The following SLC44A5 variants were observed in gnomAD, a reference collection of about 807,000 sequenced individuals.
SLC44A5 encodes the protein choline transporter-like protein 5.
SLC44A5 carries 57 observed loss-of-function variants against 101.8 expected under a neutral mutation model. The observed-to-expected ratio is 0.56, with a 90% CI of 0.45 to 0.70. SLC44A5 has a LOEUF of 0.70. SLC44A5 is among the 30% of genes least tolerant of loss of function. The pLI is 0.00. For missense variants in SLC44A5, 737 were observed against 853.1 expected (o/e 0.86, Z 1.70); for synonymous variants, 281 against 290.9 (o/e 0.97, Z 0.35).
chr1:75,535,254 C>T (rs1020946407), intron 2 of SLC44A5, among the ~76,000 whole-genome samples: 7 of 152,028 alleles, frequency 4.6e-5, no homozygotes, highest in African/African-American at 1.7e-4. Flanking sequence ...TTTGTCCTTT[C>T]GCCCTGAGAA....
intron 3 of SLC44A5, among the ~76,000 whole-genome samples, chr1:75,383,836 C>G (rs909584187): frequency 7.2e-4 from 109 of 152,190 alleles, no homozygotes; most frequent in Non-Finnish European, 3.5e-4. Context: ...AAGGGAAGCC[C>G]ATCAGACTAA....
intron 2 of SLC44A5, among the ~76,000 whole-genome samples, chr1:75,431,558 T>G (rs1488215725): frequency 6.6e-6 from 1 of 152,222 alleles, no homozygotes; most frequent in South Asian, 2.1e-4. Flanking sequence ...ATATGTGACC[T>G]TCTTTGCAGA....
chr1:75,601,981 A>G (rs985098511), intron 1 of SLC44A5, among the ~76,000 whole-genome samples: 4 of 152,162 alleles, frequency 2.6e-5, no homozygotes, highest in African/African-American at 7.2e-5. Flanking sequence ...AAAATTCTGA[A>G]TATTCAAAAG....
chr1:75,654,475 AT>A, the SLC44A5 span, among the ~76,000 whole-genome samples: 4 of 152,144 alleles, frequency 2.6e-5, no homozygotes, highest in Non-Finnish European at 4.4e-5. Flanking sequence ...ATGATACACA[AT>A]CTGGAGGCTG....
At chr1:75,595,534 C>T (rs1052789310) in intron 1 of SLC44A5, among the ~76,000 whole-genome samples, 1 of 151,958 alleles carries the variant, frequency 6.6e-6, no homozygotes, top group African/African-American at 2.4e-5. Flanking sequence ...ATTGATTATC[C>T]AGAAATAGAT....
rs189321565 is a variant in SLC44A5, at chr1:75,480,564, A to G, written c.13+60871T>C. 2.0e-5 allele frequency among the ~76,000 whole-genome samples: 3 copies of G among 152,314 alleles called. No homozygotes were observed. The East Asian group carries it at 5.8e-4, about 29-fold the overall frequency. ...AGCAACTTCAGCAAAATCTCAGGAT[A>G]CAAAATCAATGTGCAAAAATCACAA... On this transcript the variant is annotated intron_variant, in intron 2 of 23. Coordinates refer to ENST00000370859, the MANE Select transcript of SLC44A5 (RefSeq NM_001130058.2).
the SLC44A5 span, among the ~76,000 whole-genome samples, chr1:75,661,846 A>G: frequency 6.6e-6 from 1 of 152,246 alleles, no homozygotes; most frequent in East Asian, 1.9e-4. Flanking sequence ...ACAGAAAATA[A>G]CAGATGATGG....
At chr1:75,714,546 G>T in the SLC44A5 span, among the ~76,000 whole-genome samples, 1 of 152,204 alleles carries the variant, frequency 6.6e-6, no homozygotes, top group Non-Finnish European at 1.5e-5. Context: ...AGGAAGTCAA[G>T]ATGTTGGAAG....
chr1:75,639,811 T>C, the SLC44A5 span, among the ~76,000 whole-genome samples: 6 of 152,090 alleles, frequency 3.9e-5, no homozygotes, highest in Non-Finnish European at 8.8e-5. Flanking sequence ...CTGACTGTCA[T>C]AGAAATTCTG....
chr1:75,226,370 G>A (rs1004702285), intron 13 of SLC44A5, among the ~76,000 whole-genome samples: 3 of 152,054 alleles, frequency 2.0e-5, no homozygotes, highest in Non-Finnish European at 2.9e-5. Context: ...CGCTGTCTGA[G>A]CCCCTTTGCT....
chr1:75,317,391 A>G (rs1655777945), intron 4 of SLC44A5, among the ~76,000 whole-genome samples: 1 of 152,256 alleles, frequency 6.6e-6, no homozygotes, highest in South Asian at 2.1e-4. Flanking sequence ...TGATTCCTAC[A>G]TATTACTGGT....
At chr1:75,497,595 G>A (rs868615011) in intron 2 of SLC44A5, among the ~76,000 whole-genome samples, 2 of 152,052 alleles carry the variant, frequency 1.3e-5, no homozygotes, top group Non-Finnish European at 2.9e-5. Context: ...AGTACCGTAA[G>A]ACATATGTGA....
chr1:75,204,779 C>A (rs998061125), intron 23 of SLC44A5: 8 of 152,184 alleles, frequency 5.3e-5, no homozygotes, highest in Admixed American at 3.9e-4. Flanking sequence ...TGAGACACCA[C>A]ACATGGCCAA....
chr1:75,258,282 A>G (rs769423357), intron 6 of SLC44A5, among the ~76,000 whole-genome samples: 8 of 152,078 alleles, frequency 5.3e-5, no homozygotes, highest in Non-Finnish European at 1.2e-4. Flanking sequence ...GAAAGCTAAG[A>G]TCCACTGGCT....
intron 4 of SLC44A5, among the ~76,000 whole-genome samples, chr1:75,331,107 T>C (rs1208585258): frequency 6.6e-6 from 1 of 151,942 alleles, no homozygotes; most frequent in East Asian, 1.9e-4. Flanking sequence ...GTGTTGTTCT[T>C]GGGCCTCTCC....
At chr1:75,487,141 C>T (rs974252342) in intron 2 of SLC44A5, among the ~76,000 whole-genome samples, 17 of 152,026 alleles carry the variant, frequency 1.1e-4, no homozygotes, top group African/African-American at 4.1e-4. Flanking sequence ...TATTATGTGT[C>T]CTTGCTCCTA....
chr1:75,651,939 GA>G, the SLC44A5 span, among the ~76,000 whole-genome samples: 4 of 152,040 alleles, frequency 2.6e-5, no homozygotes, highest in Non-Finnish European at 4.4e-5. Flanking sequence ...CAGCTTCAGA[GA>G]AAGGCAGACT....
intron 2 of SLC44A5, among the ~76,000 whole-genome samples, chr1:75,512,459 T>C (rs949642836): frequency 5.3e-5 from 8 of 152,140 alleles, no homozygotes; most frequent in Non-Finnish European, 1.5e-5. Context: ...CTGAATCCAA[T>C]TTTTAGTTAG....
the SLC44A5 span, among the ~76,000 whole-genome samples, chr1:75,694,981 G>T: frequency 6.9e-3 from 1,049 of 152,212 alleles, 10 homozygotes; most frequent in African/African-American, 0.024. Flanking sequence ...ATAATTTGAT[G>T]ACAATATTTT....
Sources: allele counts gnomAD v4.1 joint callset (sites outside exome capture counted in the v4.1 genomes callset), GRCh38; gene constraint gnomAD v4.1.1; transcripts MANE v1.5; gene names NCBI Gene and HGNC (gene_info 2026-07-23, HGNC 2026-07-21).